The following ZNF75A variants were observed in gnomAD, a reference collection of about 807,000 sequenced individuals.
ZNF75A encodes the protein zinc finger protein 75A.
A neutral mutation model predicts 46.3 loss-of-function variants in ZNF75A; 36 were observed. That is an observed-to-expected ratio of 0.78 (90% CI 0.60 to 1.03). The LOEUF (loss-of-function observed/expected upper bound fraction) is 1.03, where lower values mean the gene tolerates loss of function less well. Among genes scored for constraint, ZNF75A ranks in the 50% least tolerant of loss-of-function variants. The pLI, the probability that ZNF75A is intolerant of heterozygous loss-of-function variation, is 0.00. For synonymous variants in ZNF75A, 234 were observed against 189.9 expected (o/e 1.23, Z -1.91); for missense variants, 595 against 551.3 (o/e 1.08, Z -0.79).
chr16:3,316,473 A>G (rs1377620967), intron 5 of ZNF75A: 1 of 152,838 alleles, frequency 6.5e-6, no homozygotes, highest in Non-Finnish European at 1.5e-5. Context: ...AGCTGTAATT[A>G]TAATAGTAAT....
rs1379004328 is a variant in ZNF75A, at chr16:3,310,912, G to T, written c.409-841G>T. Reference sequence around the variant, plus strand: ...TCGGGTCTGCTGGGAAGAATACAGGGCAGGACCTATGTTTGGTGTCAGAAT... The same window carrying T: ...TCGGGTCTGCTGGGAAGAATACAGGTCAGGACCTATGTTTGGTGTCAGAAT... On this transcript the variant is annotated intron_variant, in intron 2 of 6. Coordinates refer to ENST00000669516, the MANE Select transcript of ZNF75A (RefSeq NM_001302109.2). 4.1e-6 allele frequency: 4 copies of T among 985,292 alleles called. No homozygotes were observed. In the East Asian group the frequency reaches 4.5e-4, roughly 112 times the overall value. 61.0% of individuals were successfully genotyped at this position (985,292 alleles called of 1,614,324 possible). A position where few individuals can be genotyped will look rare whatever the true frequency, so the allele number is the denominator to read the frequency against.
Position 3,313,040 on chromosome 16 carries a change from C to G in ZNF75A, c.697-9C>G. On this transcript the variant is annotated splice_polypyrimidine_tract_variant and intron_variant, in intron 4 of 6. Coordinates refer to ENST00000669516, the MANE Select transcript of ZNF75A (RefSeq NM_001302109.2). ...CAGGTTCTGAGCTGAAGTCCATTCTCTTCTTTAGAGCTTGTTGACATTTGA... is the reference window on the plus strand; with the variant it reads ...CAGGTTCTGAGCTGAAGTCCATTCTGTTCTTTAGAGCTTGTTGACATTTGA... 1 of 1,609,328 alleles carries G rather than the reference C, an allele frequency of 6.2e-7. No homozygotes were observed. Among genetic ancestry groups the G allele is most frequent in the East Asian group, 2.2e-5 (1 of 44,860 alleles).
At position 3,308,723 on chromosome 16, in the gene ZNF75A, A is replaced by G. The variant is rs1053163790; in HGVS notation, c.295A>G (p.Ile99Val). 30 of 992,512 alleles carry G rather than the reference A, an allele frequency of 3.0e-5. No homozygotes were observed. The highest frequency in any genetic ancestry group is 3.5e-5 in the Non-Finnish European group (29 of 833,214). 61.5% of individuals were successfully genotyped at this position (992,512 alleles called of 1,614,324 possible). A position where few individuals can be genotyped will look rare whatever the true frequency, so the allele number is the denominator to read the frequency against. The stretch of plus-strand genomic sequence containing the variant: ...GCTGGTGCTGGAGCAGTTCCTGACT[A>G]TTCTGCCCAGGGAGACACAGACCCA... Reference protein sequence around the residue: ...ELLVLEQFLTILPRETQTQMQ... With the variant: ...ELLVLEQFLTVLPRETQTQMQ... The change falls in exon 2 of 7, where the codon ATT (isoleucine) becomes GTT (valine). Residue 99 changes from isoleucine to valine, a missense_variant. Physicochemically the swap from Ile to Val is conservative, Grantham distance 29. Coordinates refer to ENST00000669516, the MANE Select transcript of ZNF75A (RefSeq NM_001302109.2).
rs1960940556 is a variant in ZNF75A at position 3,313,183 on chromosome 16, T to C, written c.823+8T>C. On this transcript the variant is annotated splice_region_variant and intron_variant, in intron 5 of 6. Coordinates refer to ENST00000669516, the MANE Select transcript of ZNF75A (RefSeq NM_001302109.2). ...AGACTGTCATCTCTCTAGGTAAAGATTTTCCCTTCCCTTTATGTAGTTGAG... is the reference window on the plus strand; with the variant it reads ...AGACTGTCATCTCTCTAGGTAAAGACTTTCCCTTCCCTTTATGTAGTTGAG... 3.1e-6 allele frequency: 5 copies of C among 1,612,714 alleles called. No homozygotes were observed. Among genetic ancestry groups the C allele is most frequent in the Non-Finnish European group, 4.2e-6 (5 of 1,179,388 alleles).
At chr16:3,322,205 G>A (rs558616150), downstream of ZNF75A, among the ~76,000 whole-genome samples, 8 of 152,180 alleles carry the variant, frequency 5.3e-5, no homozygotes, top group Admixed American at 2.6e-4. Context: ...CATACTTCAC[G>A]TTTCTACTGT....
Position 3,317,519 on chromosome 16 carries a change from A to C in ZNF75A, c.1264A>C (p.Arg422=), listed in dbSNP as rs749598376. The C allele has an allele frequency of 1.2e-6, 2 of 1,613,896 alleles. No individual in the cohort carries two copies. Among genetic ancestry groups the C allele is most frequent in the Admixed American group, 3.3e-5 (2 of 59,984 alleles). The stretch of plus-strand genomic sequence containing the variant: ...TAGCTCTGACCTTATTAAGCACCAA[A>C]GAATTCACACTGAAGAGAAACCCTA... ...RVSSDLIKHQ[R]IHTEEKPYKC... The change falls in exon 7 of 7, where the codon AGA becomes CGA. Residue 422 remains arginine (R), a synonymous_variant. Transcript: ENST00000669516.
rs1961336252 is a variant in ZNF75A, at chr16:3,317,753, C to T, written c.1498C>T (p.His500Tyr). 3.1e-6 allele frequency: 5 copies of T among 1,614,116 alleles called. No individual in the cohort carries two copies. The highest frequency in any genetic ancestry group is 4.2e-6 in the Non-Finnish European group (5 of 1,180,020). ...ECGKKFSQNSHLIKHRRTHTG... is the reference protein window; with the variant it reads ...ECGKKFSQNSYLIKHRRTHTG... Reference sequence around the variant, plus strand: ...TGGAAAAAAATTCAGTCAGAACTCCCACCTTATTAAACACCGGAGAACCCA... The same window carrying T: ...TGGAAAAAAATTCAGTCAGAACTCCTACCTTATTAAACACCGGAGAACCCA... Residue 500 changes from histidine (H) to tyrosine (Y), a missense_variant, in exon 7 of 7, where the codon CAC (histidine) becomes TAC (tyrosine). By Grantham distance (83) the His-to-Tyr change is moderately conservative. Transcript: ENST00000669516.
rs1041279019 is a variant in ZNF75A at position 3,305,606 on chromosome 16, A to G, written c.-154A>G. The G allele has an allele frequency of 6.6e-6, 1 of 152,276 alleles. No individual in the cohort carries two copies. Among genetic ancestry groups the G allele is most frequent in the Admixed American group, 6.5e-5 (1 of 15,288 alleles). The allele number at this position is 152,276 out of a possible 1,614,324, so 9.4% of individuals were successfully genotyped here. Reference sequence around the variant, plus strand: ...GGTGGCTTGCGTTTGAGCCTCAGAAAGCGAGGAGCGGCCTCCACGGAAGCC... The same window carrying G: ...GGTGGCTTGCGTTTGAGCCTCAGAAGGCGAGGAGCGGCCTCCACGGAAGCC... On this transcript the variant is annotated 5_prime_UTR_variant, in exon 1 of 7. Transcript: ENST00000669516.
At chr16:3,308,863 C>T in intron 2 of ZNF75A, 27 bp downstream of exon 2, 1 of 984,660 alleles carries the variant, frequency 1.0e-6, no homozygotes. Flanking sequence ...CTGACATGTA[C>T]AGTGAAATAG....
At chr16:3,312,812 A>T in intron 4 of ZNF75A, 44 bp downstream of exon 4, 1 of 1,142,816 alleles carries the variant, frequency 8.8e-7, no homozygotes. Flanking sequence ...TTTCTCTGCT[A>T]TGTATGATTA....
intron 5 of ZNF75A, chr16:3,314,828 A>G (rs1961077434): frequency 4.1e-6 from 4 of 985,410 alleles, no homozygotes; most frequent in Non-Finnish European, 4.8e-6. Flanking sequence ...AAGGCCCTCT[A>G]CAATGATGTA....
chr16:3,319,603 T>C (rs1961448650), downstream of ZNF75A, among the ~76,000 whole-genome samples: 1 of 152,192 alleles, frequency 6.6e-6, no homozygotes. Context: ...TCAGGCACTG[T>C]CCTATACTCT....
intron 5 of ZNF75A, among the ~76,000 whole-genome samples, chr16:3,315,784 C>T (rs1961163320): frequency 6.6e-6 from 1 of 152,188 alleles, no homozygotes; most frequent in South Asian, 2.1e-4. Context: ...TTTCAGAAGC[C>T]TGTGGTTACT....
chr16:3,311,141 A>C (rs1960744934), intron 2 of ZNF75A, among the ~76,000 whole-genome samples: 1 of 152,142 alleles, frequency 6.6e-6, no homozygotes, highest in Non-Finnish European at 1.5e-5. Context: ...CAGTATTAGA[A>C]TGAGTGGCCT....
chr16:3,309,751 CAAA>C (rs766446616), intron 2 of ZNF75A, among the ~76,000 whole-genome samples: 12 of 55,678 alleles, frequency 2.2e-4, no homozygotes, highest in East Asian at 5.3e-4. Context: ...GAGAACCTGT[CAAA>C]AAAAAAAAAA....
At chr16:3,322,890 C>T (rs145625849), downstream of ZNF75A, 3 of 985,210 alleles carry the variant, frequency 3.0e-6, no homozygotes, top group East Asian at 3.4e-4. Context: ...GCTAGAGTTA[C>T]TCATTCACCA....
Position 3,308,345 on chromosome 16 carries a change from T to G in ZNF75A, c.-84T>G. ...AGGAAGAAGATCCTTTTATTGCTTT[T>G]GTACAAGACCAGACAGGATCTCATT... On this transcript the variant is annotated 5_prime_UTR_variant, in exon 2 of 7. Transcript: ENST00000669516. 1 of 926,936 alleles carries G rather than the reference T, an allele frequency of 1.1e-6. No individual in the cohort carries two copies. Among genetic ancestry groups the G allele is most frequent in the Non-Finnish European group, 1.3e-6 (1 of 776,280 alleles). 57.4% of individuals were successfully genotyped at this position (926,936 alleles called of 1,614,324 possible).
chr16:3,313,259 T>C, intron 5 of ZNF75A, 84 bp downstream of exon 5: 1 of 1,423,540 alleles, frequency 7.0e-7, no homozygotes, highest in African/African-American at 1.4e-5. Flanking sequence ...GGTGTCTTAC[T>C]GTTCCAGGAG....
At chr16:3,322,941 A>T, downstream of ZNF75A, 2 of 985,306 alleles carry the variant, frequency 2.0e-6, no homozygotes, top group Non-Finnish European at 2.4e-6. Context: ...AAGCAGGACT[A>T]CTTCCGCCGA....
Sources: gnomAD v4.1 joint callset for allele counts (sites outside exome capture counted in the v4.1 genomes callset) on GRCh38, gnomAD v4.1.1 for gene constraint, MANE v1.5 for transcripts, NCBI Gene and HGNC (gene_info 2026-07-23, HGNC 2026-07-21) for gene names.